RYR2: variants seen among roughly 807,000 people sequenced by gnomAD.
RYR2 encodes the protein ryanodine receptor 2.
Under a neutral mutation model 601.1 loss-of-function variants are expected in RYR2, and 227 were observed. The ratio of observed to expected loss-of-function variants is 0.38; its 90% CI spans 0.34 to 0.42. RYR2 has a LOEUF of 0.42. Ranked by LOEUF, RYR2 falls within the 10% of genes least tolerant of loss-of-function variation. RYR2 has a pLI of 1.00. For missense variants in RYR2, 4,646 were observed against 6,156.5 expected, an observed-to-expected ratio of 0.75 and a Z score of 8.21; for synonymous variants, 2,223 against 2,175.1, an observed-to-expected ratio of 1.02 and a Z score of -0.61.
At chr1:237,596,062 C>T (rs1469953849) in intron 34 of RYR2, among the ~76,000 whole-genome samples, 3 of 152,028 alleles carry the variant, frequency 2.0e-5, no homozygotes, top group Non-Finnish European at 4.4e-5. Context: ...CTATTTCCTA[C>T]AAAAGCTACT....
chr1:237,727,271 T>C lies in RYR2; in HGVS notation c.10838+72T>C, dbSNP rs1023050317. 7.3e-6 allele frequency: 5 copies of C among 681,746 alleles called. No homozygotes were observed. In the Admixed American group the frequency reaches 1.1e-4, roughly 15 times the overall value. 42.2% of individuals were successfully genotyped at this position (681,746 alleles called of 1,614,324 possible). ...TAGTAAGTGACAGGTGTTTAGAATC[T>C]ACCTTAATAGGGGTACAATAGTCCA... On this transcript the variant is annotated intron_variant, in intron 76 of 104. Transcript: ENST00000366574.
chr1:237,555,035 C>T (rs1670751598), intron 27 of RYR2: 1 of 152,056 alleles, frequency 6.6e-6, no homozygotes, highest in African/African-American at 2.4e-5. Flanking sequence ...TTATGTGTGA[C>T]TATGTCTTAC....
chr1:237,615,767 C>T (rs2148604621), intron 37 of RYR2, among the ~76,000 whole-genome samples: 1 of 152,168 alleles, frequency 6.6e-6, no homozygotes, highest in South Asian at 2.1e-4. Context: ...AATCTTATTG[C>T]TAATTGCATT....
At chr1:237,319,399 A>G (rs1695406474) in intron 2 of RYR2, among the ~76,000 whole-genome samples, 1 of 152,112 alleles carries the variant, frequency 6.6e-6, no homozygotes, top group African/African-American at 2.4e-5. Context: ...AAAACTGGAC[A>G]TTTTAGATAA....
At chr1:237,507,817 A>C (rs2805426) in intron 23 of RYR2, among the ~76,000 whole-genome samples, 53,017 of 152,110 alleles carry the variant, frequency 0.35, 11,268 homozygotes, top group East Asian at 0.5. Context: ...AGGTTTTCTA[A>C]GACAGAATTT....
At chr1:237,546,511 G>C (rs189506898) in intron 25 of RYR2, among the ~76,000 whole-genome samples, 1 of 152,158 alleles carries the variant, frequency 6.6e-6, no homozygotes, top group Middle Eastern at 3.4e-3. Flanking sequence ...CGAAGTAGCT[G>C]TGATTACAGT....
intron 10 of RYR2, among the ~76,000 whole-genome samples, chr1:237,407,091 A>G (rs1703974679): frequency 6.6e-6 from 1 of 152,188 alleles, no homozygotes; most frequent in Admixed American, 6.5e-5. Flanking sequence ...TCATATAGTT[A>G]TGATTCCAAA....
chr1:237,118,446 C>T (rs1354966460), intron 1 of RYR2, among the ~76,000 whole-genome samples: 1 of 151,134 alleles, frequency 6.6e-6, no homozygotes, highest in Non-Finnish European at 1.5e-5. Flanking sequence ...ACTGGGGAAA[C>T]ACAAGTACAA....
intron 1 of RYR2, among the ~76,000 whole-genome samples, chr1:237,095,380 A>G (rs1221435280): frequency 6.6e-6 from 1 of 152,214 alleles, no homozygotes; most frequent in Non-Finnish European, 1.5e-5. Flanking sequence ...CTGTTGTGAC[A>G]TAGACAATCT....
intron 17 of RYR2, among the ~76,000 whole-genome samples, chr1:237,470,190 T>C (rs996704186): frequency 1.3e-5 from 2 of 152,230 alleles, no homozygotes; most frequent in African/African-American, 4.8e-5. Context: ...ATCTTTGTTC[T>C]TTCCGGATCT....
intron 1 of RYR2, among the ~76,000 whole-genome samples, chr1:237,200,440 T>A (rs1014720246): frequency 6.6e-6 from 1 of 152,154 alleles, no homozygotes; most frequent in Non-Finnish European, 1.5e-5. Flanking sequence ...AACTTTTGTA[T>A]TTTTAGTAGA....
chr1:237,519,495 A>G (rs1666883948), intron 24 of RYR2, among the ~76,000 whole-genome samples: 1 of 152,172 alleles, frequency 6.6e-6, no homozygotes, highest in Non-Finnish European at 1.5e-5. Context: ...TCTTCTGCAT[A>G]TGGCCATCCA....
intron 79 of RYR2, among the ~76,000 whole-genome samples, chr1:237,739,616 A>G (rs1691440194): frequency 6.6e-6 from 1 of 152,194 alleles, no homozygotes; most frequent in South Asian, 2.1e-4. Context: ...TTTAAGATAC[A>G]CATCGTTATG....
chr1:237,595,930 G>T (rs1311130177), intron 34 of RYR2, among the ~76,000 whole-genome samples: 1 of 152,080 alleles, frequency 6.6e-6, no homozygotes, highest in East Asian at 1.9e-4. Context: ...GGCACTTGCA[G>T]ATGCTGCTGA....
chr1:237,649,040 G>C (rs947782649), intron 49 of RYR2, among the ~76,000 whole-genome samples: 3 of 152,118 alleles, frequency 2.0e-5, no homozygotes, highest in Non-Finnish European at 4.4e-5. Flanking sequence ...GTATCATCTT[G>C]GTATCTTCGT....
intron 17 of RYR2, among the ~76,000 whole-genome samples, chr1:237,485,028 TACAA>T (rs1266862622): frequency 6.6e-6 from 1 of 152,214 alleles, no homozygotes; most frequent in African/African-American, 2.4e-5. Context: ...TTTTGTGTTC[TACAA>T]ACAAACAGCA....
intron 16 of RYR2, among the ~76,000 whole-genome samples, chr1:237,459,632 G>A (rs1659242322): frequency 6.6e-6 from 1 of 152,074 alleles, no homozygotes; most frequent in African/African-American, 2.4e-5. Context: ...CATAGAAAAG[G>A]CCCATTGCAG....
In RYR2 at chr1:237,569,392, C is replaced by T. The variant is rs537138439; in HGVS notation, c.3598+73C>T. ...AGCTTTCATCCTGAGGCTTCCTAAC[C>T]GGGCGTTTCTGTTTCAGGGTGAGTG... On this transcript the variant is annotated intron_variant, in intron 29 of 104. Coordinates refer to ENST00000366574, the MANE Select transcript of RYR2 (RefSeq NM_001035.3). 1.6e-4 allele frequency: 232 copies of T among 1,470,728 alleles called. No individual in the cohort carries two copies. The African/African-American group carries it at 2.5e-3, about 16-fold the overall frequency. The allele number at this position is 1,470,728 out of a possible 1,614,324, so 91.1% of individuals were successfully genotyped here. A position where few individuals can be genotyped will look rare whatever the true frequency, so the allele number is the denominator to read the frequency against.
intron 17 of RYR2, among the ~76,000 whole-genome samples, chr1:237,482,808 A>G (rs574548913): frequency 6.6e-6 from 1 of 152,298 alleles, no homozygotes; most frequent in African/African-American, 2.4e-5. Flanking sequence ...ACTAATTTAC[A>G]TTCCTACCAA....
Sources: allele counts gnomAD v4.1 joint callset (sites outside exome capture counted in the v4.1 genomes callset), GRCh38; gene constraint gnomAD v4.1.1; transcripts MANE v1.5; gene names NCBI Gene and HGNC (gene_info 2026-07-23, HGNC 2026-07-21).